The following ZNF264 variants were observed in gnomAD, a reference collection of about 807,000 sequenced individuals.
ZNF264 encodes the protein zinc finger protein 264.
Under a neutral mutation model 11.2 loss-of-function variants are expected in ZNF264, and 11 were observed. The ratio of observed to expected loss-of-function variants is 0.98; its 90% CI spans 0.62 to 1.63. ZNF264 has a LOEUF of 1.63. Among genes scored for constraint, ZNF264 ranks in the 40% most tolerant of loss-of-function variants. ZNF264 has a pLI of 0.00. For missense variants in ZNF264, 752 were observed against 768.1 expected (o/e 0.98, Z 0.25); for synonymous variants, 309 against 279.8 (o/e 1.10, Z -1.04).
rs747208785 is a variant in ZNF264 at position 57,212,003 on chromosome 19, T to G, written c.906T>G (p.Phe302Leu). Reference protein sequence around the residue: ...CGKAFTHRSNFVLHNRRHTGE... With the variant: ...CGKAFTHRSNLVLHNRRHTGE... ...AGGCCTTCACCCACCGCTCCAATTT[T>G]GTCTTGCATAACAGGAGACACACTG... is the stretch of plus-strand genomic sequence containing the variant. The change falls in exon 4 of 4, where the codon TTT becomes TTG. Residue 302 changes from phenylalanine to leucine, a missense_variant. Physicochemically the swap from Phe to Leu is conservative, Grantham distance 22. Coordinates refer to ENST00000263095, the MANE Select transcript of ZNF264 (RefSeq NM_003417.5). The G allele has an allele frequency of 1.9e-6, 3 of 1,613,862 alleles. No individual in the cohort carries two copies. Among genetic ancestry groups the G allele is most frequent in the Non-Finnish European group, 1.7e-6 (2 of 1,179,988 alleles).
intron 3 of ZNF264, among the ~76,000 whole-genome samples, chr19:57,208,666 C>T (rs549997507): frequency 1.5e-3 from 228 of 152,236 alleles, no homozygotes; most frequent in African/African-American, 5.3e-3. Flanking sequence ...ATATGTATTT[C>T]ATTTTCCACT....
chr19:57,201,333 G>A (rs890649859), intron 2 of ZNF264, among the ~76,000 whole-genome samples: 2 of 151,956 alleles, frequency 1.3e-5, no homozygotes, highest in Non-Finnish European at 2.9e-5. Flanking sequence ...AGAGGAAGAG[G>A]TTTGATGCCT....
Position 57,209,642 on chromosome 19 carries a change from T to A in ZNF264, c.257-1712T>A, listed in dbSNP as rs201561218. The stretch of plus-strand genomic sequence containing the variant: ...GCCCAAGCTGGGTGCAGTGGCACAG[T>A]CATACTTTGCTGCAGTCTTGAATTT... On this transcript the variant is annotated intron_variant, in intron 3 of 3. Coordinates refer to ENST00000263095, the MANE Select transcript of ZNF264 (RefSeq NM_003417.5). Among the ~76,000 whole-genome samples the A allele has an allele frequency of 3.3e-5, 5 of 152,166 alleles. No homozygotes were observed. The East Asian group carries it at 9.6e-4, about 29-fold the overall frequency.
Position 57,220,426 on chromosome 19 carries a change from A to AG in ZNF264, c.*7447dup, listed in dbSNP as rs1274742716. 1 of 152,180 alleles carries AG rather than the reference A, an allele frequency of 6.6e-6. No individual in the cohort carries two copies. Among genetic ancestry groups the AG allele is most frequent in the Non-Finnish European group, 1.5e-5 (1 of 68,038 alleles). The allele number at this position is 152,180 out of a possible 1,614,324, so 9.4% of individuals were successfully genotyped here. A position where few individuals can be genotyped will look rare whatever the true frequency, so the allele number is the denominator to read the frequency against. ...AGCGGTAAGACATGCATCTGGCTTT[A>AG]GGAGTGTTTGAAGTGCCTAAAGATC... On this transcript the variant is annotated 3_prime_UTR_variant, in exon 4 of 4. Transcript: ENST00000263095.
intron 3 of ZNF264, among the ~76,000 whole-genome samples, chr19:57,207,429 A>G (rs1306784576): frequency 6.6e-6 from 1 of 151,846 alleles, no homozygotes; most frequent in Non-Finnish European, 1.5e-5. Flanking sequence ...GCCAATTCCT[A>G]TACCAGGGTC....
chr19:57,202,884 G>A (rs1481238448), intron 2 of ZNF264, among the ~76,000 whole-genome samples: 1 of 149,514 alleles, frequency 6.7e-6, no homozygotes, highest in Non-Finnish European at 1.5e-5. Context: ...ACTTGTGACT[G>A]GAGTGCAGGG....
Position 57,191,718 on chromosome 19 carries a change from G to A in ZNF264, c.-196G>A, listed in dbSNP as rs2087174124. On this transcript the variant is annotated 5_prime_UTR_variant, in exon 1 of 4. Coordinates refer to ENST00000263095, the MANE Select transcript of ZNF264 (RefSeq NM_003417.5). ...CTTCAGCCCCGCGGTCTCCAGGGGCGGCGCCCTGGGTCTGGAACGCGGTTG... is the reference window on the plus strand; with the variant it reads ...CTTCAGCCCCGCGGTCTCCAGGGGCAGCGCCCTGGGTCTGGAACGCGGTTG... 2.4e-6 allele frequency: 1 copy of A among 411,246 alleles called. No homozygotes were observed. The highest frequency in any genetic ancestry group is 2.1e-5 in the African/African-American group (1 of 48,646). The allele number at this position is 411,246 out of a possible 1,614,324, so 25.5% of individuals were successfully genotyped here. A position where few individuals can be genotyped will look rare whatever the true frequency, so the allele number is the denominator to read the frequency against.
At chr19:57,198,389 C>A (rs1160062681) in intron 2 of ZNF264, among the ~76,000 whole-genome samples, 1 of 151,942 alleles carries the variant, frequency 6.6e-6, no homozygotes, top group Non-Finnish European at 1.5e-5. Flanking sequence ...CACTAATCTC[C>A]ACAGTCCCTC....
At position 57,207,696 on chromosome 19, in the gene ZNF264, GT is replaced by G. The variant is rs1163222800; in HGVS notation, c.256+2211del. 2.7e-5 allele frequency among the ~76,000 whole-genome samples: 4 copies of G among 149,766 alleles called. No individual in the cohort carries two copies. In the East Asian group the frequency reaches 7.9e-4, roughly 29 times the overall value. ...CATTACACCCGGCTAATTTTTGTGG[GT>G]TTTTTTGTTTGCTCGCTTGTTTGTT... On this transcript the variant is annotated intron_variant, in intron 3 of 3. Coordinates refer to ENST00000263095, the MANE Select transcript of ZNF264 (RefSeq NM_003417.5).
chr19:57,213,062 A>T lies in ZNF264; in HGVS notation c.*81A>T, dbSNP rs1317455504. On this transcript the variant is annotated 3_prime_UTR_variant, in exon 4 of 4. Coordinates refer to ENST00000263095, the MANE Select transcript of ZNF264 (RefSeq NM_003417.5). ...CGTTCAGTCTAGAGCCTTATTCTCC[A>T]TCTGATAATTTATCCTGGAGAGAGA... The T allele has an allele frequency of 2.9e-6, 4 of 1,374,700 alleles. No homozygotes were observed. The East Asian group carries it at 9.3e-5, about 32-fold the overall frequency. 85.2% of individuals were successfully genotyped at this position (1,374,700 alleles called of 1,614,324 possible). A position where few individuals can be genotyped will look rare whatever the true frequency, so the allele number is the denominator to read the frequency against.
chr19:57,204,316 A>G (rs1176762310), intron 2 of ZNF264, among the ~76,000 whole-genome samples: 1 of 151,948 alleles, frequency 6.6e-6, no homozygotes, highest in Non-Finnish European at 1.5e-5. Flanking sequence ...CCACATCTGC[A>G]TCCCAGGGTT....
rs1011417479 is a variant in ZNF264 at position 57,221,173 on chromosome 19, C to G, written c.*8192C>G. 2 of 152,426 alleles carry G rather than the reference C, an allele frequency of 1.3e-5. No individual in the cohort carries two copies. Among genetic ancestry groups the G allele is most frequent in the African/African-American group, 4.8e-5 (2 of 41,444 alleles). 9.4% of individuals were successfully genotyped at this position (152,426 alleles called of 1,614,324 possible). A position where few individuals can be genotyped will look rare whatever the true frequency, so the allele number is the denominator to read the frequency against. ...TCAAGCGATTCTCCTGCCTCAGCCTCCTGAGTAGCTGGGACTACAGGTGCC... is the reference window on the plus strand; with the variant it reads ...TCAAGCGATTCTCCTGCCTCAGCCTGCTGAGTAGCTGGGACTACAGGTGCC... On this transcript the variant is annotated 3_prime_UTR_variant, in exon 4 of 4. Coordinates refer to ENST00000263095, the MANE Select transcript of ZNF264 (RefSeq NM_003417.5).
At chr19:57,204,231 A>C (rs960028508) in intron 2 of ZNF264, among the ~76,000 whole-genome samples, 1 of 152,008 alleles carries the variant, frequency 6.6e-6, no homozygotes, top group East Asian at 1.9e-4. Context: ...AAAAAAAAAA[A>C]AAAACTGTGT....
chr19:57,207,268 G>A (rs1207083055), intron 3 of ZNF264, among the ~76,000 whole-genome samples: 1 of 152,150 alleles, frequency 6.6e-6, no homozygotes, highest in Non-Finnish European at 1.5e-5. Flanking sequence ...TTGTCTCCAG[G>A]CACAGATGTC....
chr19:57,213,009 TGTCATCTGAAGA>T lies in ZNF264; in HGVS notation c.*34_*45del. On this transcript the variant is annotated 3_prime_UTR_variant, in exon 4 of 4. Coordinates refer to ENST00000263095, the MANE Select transcript of ZNF264 (RefSeq NM_003417.5). The stretch of plus-strand genomic sequence containing the variant: ...AAACCTTCTGTTGCTGAATATTACT[TGTCATCTGAAGA>T]GTCATATTAGAAATTCGTTCAGTCT... The T allele has an allele frequency of 6.3e-7, 1 of 1,578,426 alleles. No individual in the cohort carries two copies. Among genetic ancestry groups the T allele is most frequent in the Non-Finnish European group, 8.6e-7 (1 of 1,160,840 alleles).
Position 57,220,521 on chromosome 19 carries a change from C to G in ZNF264, c.*7540C>G, listed in dbSNP as rs1373045517. ...GCAACCACCTCTTTTTCTCTTACCT[C>G]GTCCCCACATCCAGGCACTGCCCCA... On this transcript the variant is annotated 3_prime_UTR_variant, in exon 4 of 4. Transcript: ENST00000263095. 6.6e-6 allele frequency: 1 copy of G among 152,184 alleles called. No homozygotes were observed. Among genetic ancestry groups the G allele is most frequent in the Non-Finnish European group, 1.5e-5 (1 of 68,038 alleles). The allele number at this position is 152,184 out of a possible 1,614,324, so 9.4% of individuals were successfully genotyped here.
Position 57,191,747 on chromosome 19 carries a change from C to T in ZNF264, c.-167C>T. The T allele has an allele frequency of 2.0e-5, 9 of 454,948 alleles. No homozygotes were observed. The highest frequency in any genetic ancestry group is 2.5e-5 in the Non-Finnish European group (7 of 276,902). 28.2% of individuals were successfully genotyped at this position (454,948 alleles called of 1,614,324 possible). A position where few individuals can be genotyped will look rare whatever the true frequency, so the allele number is the denominator to read the frequency against. On this transcript the variant is annotated 5_prime_UTR_variant, in exon 1 of 4. Transcript: ENST00000263095. Reference sequence around the variant, plus strand: ...CCCTGGGTCTGGAACGCGGTTGCCACCGAGGAGGCGGCGGCCCTGCGTCTG... The same window carrying T: ...CCCTGGGTCTGGAACGCGGTTGCCATCGAGGAGGCGGCGGCCCTGCGTCTG...
chr19:57,201,795 G>A (rs534981282), intron 2 of ZNF264, among the ~76,000 whole-genome samples: 1 of 152,008 alleles, frequency 6.6e-6, no homozygotes, highest in South Asian at 2.1e-4. Flanking sequence ...GAAGCACAAG[G>A]CTGCCAGCAT....
At chr19:57,203,572 A>G (rs2087268992) in intron 2 of ZNF264, among the ~76,000 whole-genome samples, 1 of 152,004 alleles carries the variant, frequency 6.6e-6, no homozygotes. Flanking sequence ...TTGTTTTTTA[A>G]AGTAGAAGTC....
Sources: allele counts gnomAD v4.1 joint callset (sites outside exome capture counted in the v4.1 genomes callset), GRCh38; gene constraint gnomAD v4.1.1; transcripts MANE v1.5; gene names NCBI Gene and HGNC (gene_info 2026-07-23, HGNC 2026-07-21).